The following COL14A1 variants were observed in gnomAD, a reference collection of about 807,000 sequenced individuals.
COL14A1 encodes the protein collagen alpha-1(XIV) chain.
In COL14A1, 136 loss-of-function variants were observed where a neutral mutation model predicts 230.3. The ratio of observed to expected loss-of-function variants is 0.59; its 90% confidence interval spans 0.51 to 0.68. COL14A1 has a LOEUF of 0.68. COL14A1 is among the 30% of genes least tolerant of loss of function. COL14A1 has a pLI of 0.00. For missense variants in COL14A1, 1,976 were observed against 2,215.8 expected (o/e 0.89, Z 2.17); for synonymous variants, 792 against 784.1 (o/e 1.01, Z -0.17).
intron 1 of COL14A1, among the ~76,000 whole-genome samples, chr8:120,145,083 C>T (rs1039018038): frequency 6.6e-6 from 1 of 152,004 alleles, no homozygotes. Flanking sequence ...AAGTCATGAA[C>T]AGTTATTTTG....
intron 5 of COL14A1, among the ~76,000 whole-genome samples, chr8:120,195,593 A>G (rs1817009331): frequency 6.6e-6 from 1 of 152,222 alleles, no homozygotes; most frequent in African/African-American, 2.4e-5. Flanking sequence ...ACAGTTCCAC[A>G]TGGCTGGGGA....
rs532052747 is a variant in COL14A1, at chr8:120,227,549, A to C, written c.2137+197A>C. Among the ~76,000 whole-genome samples, 3 of 152,348 alleles carry C rather than the reference A, an allele frequency of 2.0e-5. No homozygotes were observed. The East Asian group carries it at 5.8e-4, about 29-fold the overall frequency. ...CTTAGCTTCCTAGATAATGATCAAC[A>C]TGAAGGCAGGGACCATATCTGTGTT... is the stretch of plus-strand genomic sequence containing the variant. On this transcript the variant is annotated intron_variant, in intron 17 of 47. Coordinates refer to ENST00000297848, the MANE Select transcript of COL14A1 (RefSeq NM_021110.4).
At chr8:120,286,406 A>G (rs528402801) in intron 33 of COL14A1, among the ~76,000 whole-genome samples, 19 of 152,338 alleles carry the variant, frequency 1.2e-4, no homozygotes, top group Admixed American at 1.0e-3. Context: ...ATACTTTTAC[A>G]TATATACAAG....
chr8:120,230,380 A>T (rs1009369804), intron 18 of COL14A1, among the ~76,000 whole-genome samples: 8 of 152,066 alleles, frequency 5.3e-5, no homozygotes, highest in African/African-American at 1.9e-4. Flanking sequence ...TACTTCTCTA[A>T]GACACTTCAA....
chr8:120,181,700 G>A (rs1816469108), intron 5 of COL14A1, among the ~76,000 whole-genome samples: 1 of 152,104 alleles, frequency 6.6e-6, no homozygotes, highest in African/African-American at 2.4e-5. Context: ...ATTACAGAAA[G>A]GTTCTCCTGC....
intron 14 of COL14A1, among the ~76,000 whole-genome samples, chr8:120,218,707 A>G (rs946516109): frequency 2.8e-4 from 43 of 152,194 alleles, no homozygotes; most frequent in African/African-American, 8.2e-4. Flanking sequence ...ATGATAAGTG[A>G]CAACGGACAG....
At position 120,211,538 on chromosome 8, in the gene COL14A1, A is replaced by AAGAATG. The variant is rs1245799636; in HGVS notation, c.1468-905_1468-900dup. Among the ~76,000 whole-genome samples, 9 of 152,332 alleles carry AAGAATG rather than the reference A, an allele frequency of 5.9e-5. No individual in the cohort carries two copies. The East Asian group carries it at 1.5e-3, about 26-fold the overall frequency. On this transcript the variant is annotated intron_variant, in intron 12 of 47. Transcript: ENST00000297848. The stretch of plus-strand genomic sequence containing the variant: ...CCTTAGGGTGGAGGTAGTGGACAGA[A>AAGAATG]AGAATGAGAAAGACCTGTTGTTTTA...
chr8:120,283,828 T>C (rs1009697682), intron 32 of COL14A1, 50 bp downstream of exon 32: 6 of 1,509,698 alleles, frequency 4.0e-6, no homozygotes, highest in Non-Finnish European at 5.4e-6. Flanking sequence ...ATGAGTAATG[T>C]ATGTGGCATG....
At chr8:120,365,403 A>G (rs1249661092) in intron 45 of COL14A1, among the ~76,000 whole-genome samples, 3 of 152,244 alleles carry the variant, frequency 2.0e-5, no homozygotes, top group Admixed American at 6.5e-5. Context: ...AGTTCTTTCA[A>G]AATTAGTTGT....
In COL14A1 at chr8:120,140,334, C is replaced by CT. The variant is rs375645434; in HGVS notation, c.-37-7461dup. Among the ~76,000 whole-genome samples the CT allele has an allele frequency of 1.3e-3, 185 of 146,142 alleles. 1 individual carries two copies. Among genetic ancestry groups the CT allele is most frequent in the Middle Eastern group, 3.6e-3 (1 of 274 alleles). ...ACCTAAGGTTCACTTTTCAATTCAT[C>CT]TTTTTTTTTTTCAATTAACTTTAAG... On this transcript the variant is annotated intron_variant, in intron 1 of 47. Transcript: ENST00000297848.
rs141952658 is a variant in COL14A1, at chr8:120,178,126, G to A, written c.436+9879G>A. On this transcript the variant is annotated intron_variant, in intron 5 of 47. Coordinates refer to ENST00000297848, the MANE Select transcript of COL14A1 (RefSeq NM_021110.4). ...TTAATTTAAGTTCTGGGATACATGTGCAGAACGTGCAGTTTTGTTACGTAG... is the reference window on the plus strand; with the variant it reads ...TTAATTTAAGTTCTGGGATACATGTACAGAACGTGCAGTTTTGTTACGTAG... 1.2e-3 allele frequency among the ~76,000 whole-genome samples: 183 copies of A among 152,028 alleles called. 1 individual carries two copies. Among genetic ancestry groups the A allele is most frequent in the African/African-American group, 4.1e-3 (170 of 41,466 alleles).
chr8:120,350,039 C>T lies in COL14A1; in HGVS notation c.5077+4476C>T, dbSNP rs1456252166. ...CCCATCAGACTAACAGCGGATCTCTCGGCAGAAACCCTACAAGCCAGAAGA... is the reference window on the plus strand; with the variant it reads ...CCCATCAGACTAACAGCGGATCTCTTGGCAGAAACCCTACAAGCCAGAAGA... On this transcript the variant is annotated intron_variant, in intron 45 of 47. Transcript: ENST00000297848. Among the ~76,000 whole-genome samples, 3 of 143,150 alleles carry T rather than the reference C, an allele frequency of 2.1e-5. No homozygotes were observed. The East Asian group carries it at 6.2e-4, about 29-fold the overall frequency. 93.9% of individuals were successfully genotyped at this position (143,150 alleles called of 152,430 possible).
rs779889881 is a variant in COL14A1, at chr8:120,289,650, G to A, written c.4120G>A (p.Asp1374Asn). The change falls in exon 34 of 48, where the codon GAC (aspartate) becomes AAC (asparagine). Residue 1374 changes from aspartate (D) to asparagine (N), a missense_variant. This residue lies in a region of COL14A1 where 1,791 missense variants were observed against 2,019.5 expected (regional missense o/e 0.89). Coordinates refer to ENST00000297848, the MANE Select transcript of COL14A1 (RefSeq NM_021110.4). ...VSETLVKVVI[D>N]CKQVGEKAMN... ...TGAGACTTTGGTCAAAGTGGTTATT[G>A]ACTGCAAGCAAGTGGGTGAGAAGGC... is the stretch of plus-strand genomic sequence containing the variant. 2.3e-5 allele frequency: 37 copies of A among 1,613,830 alleles called. No individual in the cohort carries two copies. Among genetic ancestry groups the A allele is most frequent in the Non-Finnish European group, 3.1e-5 (36 of 1,179,952 alleles).
chr8:120,367,790 A>T (rs1199339989), intron 46 of COL14A1, among the ~76,000 whole-genome samples: 3 of 151,874 alleles, frequency 2.0e-5, no homozygotes, highest in African/African-American at 7.3e-5. Context: ...AAAAAAATAC[A>T]AAAATTTAAC....
intron 21 of COL14A1, among the ~76,000 whole-genome samples, chr8:120,249,019 G>A (rs543533915): frequency 8.6e-4 from 113 of 130,674 alleles, no homozygotes; most frequent in Non-Finnish European, 1.4e-3. Context: ...TCCGCCTCCC[G>A]GGTTCACGCC....
rs187053614 is a variant in COL14A1, at chr8:120,299,153, G to A, written c.4314+1565G>A. 5.5e-4 allele frequency among the ~76,000 whole-genome samples: 84 copies of A among 152,086 alleles called. 2 individuals carry two copies. Among genetic ancestry groups the A allele is most frequent in the African/African-American group, 1.7e-3 (71 of 41,524 alleles). The stretch of plus-strand genomic sequence containing the variant: ...CTCCACTGGGTCCTGCCTGTGACAC[G>A]TGAGGATTATGGGAACTATATCAAG... On this transcript the variant is annotated intron_variant, in intron 35 of 47. Transcript: ENST00000297848.
In COL14A1 at chr8:120,342,409, A is replaced by T; in HGVS notation, c.4851A>T (p.Arg1617Ser). 1 of 1,614,012 alleles carries T rather than the reference A, an allele frequency of 6.2e-7. No individual in the cohort carries two copies. Among genetic ancestry groups the T allele is most frequent in the Non-Finnish European group, 8.5e-7 (1 of 1,179,922 alleles). Reference protein sequence around the residue: ...RGDLQSQAMVRSVARQVCEQL... With the variant: ...RGDLQSQAMVSSVARQVCEQL... The stretch of plus-strand genomic sequence containing the variant: ...ACCTGCAGTCTCAAGCCATGGTGAG[A>T]TCAGTGGCGCGTCAAGTATGCGAAC... Residue 1617 changes from arginine (R) to serine (S), a missense_variant, in exon 44 of 48, where the codon AGA becomes AGT. Coordinates refer to ENST00000297848, the MANE Select transcript of COL14A1 (RefSeq NM_021110.4).
At chr8:120,213,267 C>T (rs1230871019) in intron 13 of COL14A1, among the ~76,000 whole-genome samples, 1 of 152,098 alleles carries the variant, frequency 6.6e-6, no homozygotes, top group Non-Finnish European at 1.5e-5. Flanking sequence ...CTGTGGCATA[C>T]TGATAATACT....
At chr8:120,240,740 T>C (rs887318903) in intron 19 of COL14A1, among the ~76,000 whole-genome samples, 17 of 152,194 alleles carry the variant, frequency 1.1e-4, no homozygotes, top group African/African-American at 3.1e-4. Context: ...CTTAAACATA[T>C]GTAAAACAAG....
Sources: gnomAD v4.1 joint callset for allele counts (sites outside exome capture counted in the v4.1 genomes callset) on GRCh38, gnomAD v4.1.1 for gene constraint, gnomAD v4.1.1 regional missense constraint, MANE v1.5 for transcripts, NCBI Gene and HGNC (gene_info 2026-07-23, HGNC 2026-07-21) for gene names.